The following SGCZ variants were observed in gnomAD, a reference collection of about 807,000 sequenced individuals.
SGCZ encodes the protein sarcoglycan zeta.
Under a neutral mutation model 41.3 loss-of-function variants are expected in SGCZ, and 40 were observed. The observed-to-expected ratio is 0.97, with a 90% CI of 0.75 to 1.26. The LOEUF (loss-of-function observed/expected upper bound fraction) is 1.26. SGCZ is among the 50% of genes most tolerant of loss of function. SGCZ has a pLI of 0.00. For synonymous variants in SGCZ, 206 were observed against 137.5 expected (o/e 1.50, Z -3.49); for missense variants, 552 against 369.8 (o/e 1.49, Z -4.04).
chr8:14,982,168 A>T (rs998641713), intron 1 of SGCZ, among the ~76,000 whole-genome samples: 14 of 152,166 alleles, frequency 9.2e-5, no homozygotes, highest in African/African-American at 3.4e-4. Flanking sequence ...AAAAAAAAAA[A>T]AAAAGGAAAT....
chr8:14,799,531 G>T (rs1240708912), intron 1 of SGCZ, among the ~76,000 whole-genome samples: 1 of 152,096 alleles, frequency 6.6e-6, no homozygotes, highest in East Asian at 1.9e-4. Context: ...GCAAAGTCAG[G>T]AGAGACTCAA....
Position 14,663,083 on chromosome 8 carries a change from G to A in SGCZ, c.40-108157C>T, listed in dbSNP as rs113246647. Among the ~76,000 whole-genome samples, 1,187 of 152,146 alleles carry A rather than the reference G, an allele frequency of 7.8e-3. 16 individuals are homozygous for A. Among genetic ancestry groups the A allele is most frequent in the Middle Eastern group, 0.02 (6 of 294 alleles). The stretch of plus-strand genomic sequence containing the variant: ...CTGCCAACAACTTGATCTTAGCCTC[G>A]GAATTATGACCTATAAAACTATAAC... On this transcript the variant is annotated intron_variant, in intron 1 of 7. Coordinates refer to ENST00000382080, the MANE Select transcript of SGCZ (RefSeq NM_139167.4).
At chr8:14,924,432 T>C (rs756232788) in intron 1 of SGCZ, among the ~76,000 whole-genome samples, 1 of 152,184 alleles carries the variant, frequency 6.6e-6, no homozygotes, top group East Asian at 1.9e-4. Flanking sequence ...ACTATAAGGA[T>C]ATTACAGAAA....
intron 1 of SGCZ, among the ~76,000 whole-genome samples, chr8:15,169,196 G>C (rs764049811): frequency 1.3e-5 from 2 of 152,170 alleles, no homozygotes; most frequent in Non-Finnish European, 2.9e-5. Context: ...GCAAGAAGCA[G>C]TTAAGATTGG....
intron 1 of SGCZ, among the ~76,000 whole-genome samples, chr8:14,651,517 G>A (rs10097358): frequency 2.2e-4 from 33 of 152,004 alleles, no homozygotes; most frequent in Admixed American, 4.6e-4. Flanking sequence ...GCTTTTAAGC[G>A]TGGATGAATT....
intron 1 of SGCZ, among the ~76,000 whole-genome samples, chr8:14,794,981 C>A (rs1274334980): frequency 3.9e-5 from 6 of 152,152 alleles, no homozygotes; most frequent in Non-Finnish European, 8.8e-5. Flanking sequence ...CACTTTCAGA[C>A]AAATAACTTT....
intron 3 of SGCZ, among the ~76,000 whole-genome samples, chr8:14,278,221 G>C (rs545551883): frequency 6.6e-6 from 1 of 152,214 alleles, no homozygotes; most frequent in South Asian, 2.1e-4. Flanking sequence ...TCCTCCGTAA[G>C]GTATTTAAGC....
intron 2 of SGCZ, among the ~76,000 whole-genome samples, chr8:14,412,341 G>C (rs951363765): frequency 6.6e-6 from 1 of 152,072 alleles, no homozygotes; most frequent in Non-Finnish European, 1.5e-5. Flanking sequence ...GTGACACATA[G>C]TTTGCATCCA....
chr8:14,493,122 G>C lies in SGCZ; in HGVS notation c.234+61610C>G, dbSNP rs138682922. 2.0e-3 allele frequency among the ~76,000 whole-genome samples: 297 copies of C among 151,928 alleles called. 4 individuals are homozygous for C. Among genetic ancestry groups the C allele is most frequent in the African/African-American group, 6.7e-3 (279 of 41,446 alleles). ...GCAAATACAATTTGCATTGTAAATT[G>C]CTCTGTTTAAAAACTCCCAAAGACT... On this transcript the variant is annotated intron_variant, in intron 2 of 7. Transcript: ENST00000382080.
chr8:14,938,904 C>A (rs1022777899), intron 1 of SGCZ, among the ~76,000 whole-genome samples: 1 of 152,020 alleles, frequency 6.6e-6, no homozygotes, highest in South Asian at 2.1e-4. Context: ...GTTGAATCCC[C>A]AAATGCTGAA....
At chr8:14,194,264 CAA>C (rs1805198364) in intron 4 of SGCZ, among the ~76,000 whole-genome samples, 1 of 151,774 alleles carries the variant, frequency 6.6e-6, no homozygotes, top group Non-Finnish European at 1.5e-5. Flanking sequence ...CTGGATTGAT[CAA>C]AACATGAATG....
chr8:14,388,882 T>G (rs11993010), intron 2 of SGCZ, among the ~76,000 whole-genome samples: 13,904 of 151,702 alleles, frequency 0.092, 2,011 homozygotes, highest in African/African-American at 0.3. Flanking sequence ...AGATTGAGGT[T>G]ATTTGAAAAA....
chr8:14,393,618 A>G (rs1230740674), intron 2 of SGCZ, among the ~76,000 whole-genome samples: 1 of 152,080 alleles, frequency 6.6e-6, no homozygotes, highest in Non-Finnish European at 1.5e-5. Context: ...CTTTCCACTG[A>G]GAGACCTTTT....
chr8:15,159,517 C>G (rs1364843974), intron 1 of SGCZ, among the ~76,000 whole-genome samples: 1 of 152,100 alleles, frequency 6.6e-6, no homozygotes, highest in Non-Finnish European at 1.5e-5. Context: ...GCATCTGAAG[C>G]TACTTCCAGG....
At chr8:14,969,986 T>C (rs932214423) in intron 1 of SGCZ, among the ~76,000 whole-genome samples, 1 of 152,108 alleles carries the variant, frequency 6.6e-6, no homozygotes, top group African/African-American at 2.4e-5. Flanking sequence ...TGTATGAGAG[T>C]TCCTTTTCCT....
chr8:14,201,045 T>C (rs1805438620), intron 4 of SGCZ, among the ~76,000 whole-genome samples: 1 of 152,108 alleles, frequency 6.6e-6, no homozygotes. Context: ...AGATGCTCAA[T>C]ATAGCTAGTA....
chr8:14,602,412 C>T (rs967996102), intron 1 of SGCZ, among the ~76,000 whole-genome samples: 2 of 151,334 alleles, frequency 1.3e-5, no homozygotes, highest in South Asian at 2.1e-4. Flanking sequence ...ATTGGGAGGC[C>T]GAGGTGGGAA....
intron 1 of SGCZ, among the ~76,000 whole-genome samples, chr8:15,237,161 G>A (rs886225364): frequency 1.3e-5 from 2 of 152,228 alleles, no homozygotes; most frequent in Non-Finnish European, 2.9e-5. Flanking sequence ...GCACAGGCGG[G>A]ATCGGAGCCG....
chr8:14,639,371 G>C (rs1442080158), intron 1 of SGCZ, among the ~76,000 whole-genome samples: 1 of 151,466 alleles, frequency 6.6e-6, no homozygotes, highest in Non-Finnish European at 1.5e-5. Context: ...TTAGTAATGA[G>C]CTCATAATGT....
Sources: gnomAD v4.1 joint callset for allele counts (sites outside exome capture counted in the v4.1 genomes callset) on GRCh38, gnomAD v4.1.1 for gene constraint, MANE v1.5 for transcripts, NCBI Gene and HGNC (gene_info 2026-07-23, HGNC 2026-07-21) for gene names.